Variants in RNASE4 observed in about 807,000 individuals in gnomAD.
RNASE4 encodes ribonuclease A family member 4, also known as ribonuclease 4.
For synonymous variants in RNASE4, 93 were observed against 71.4 expected (o/e 1.30, Z -1.52); for missense variants, 194 against 192.8 (o/e 1.01, Z -0.04).
chr14:20,695,854 T>C (rs1887076187), intron 1 of RNASE4, among the ~76,000 whole-genome samples: 1 of 152,232 alleles, frequency 6.6e-6, no homozygotes, highest in African/African-American at 2.4e-5. Flanking sequence ...AGCACAAGAA[T>C]CTCTCTTCCT....
At chr14:20,686,224 G>C (rs4619306) in intron 1 of RNASE4, among the ~76,000 whole-genome samples, 65,479 of 151,844 alleles carry the variant, frequency 0.43, 14,159 homozygotes, top group Middle Eastern at 0.52. Flanking sequence ...GGAGTGGTAC[G>C]ATGTTAGTAA....
chr14:20,696,855 C>A (rs1887109521), intron 1 of RNASE4, among the ~76,000 whole-genome samples: 1 of 152,110 alleles, frequency 6.6e-6, no homozygotes, highest in African/African-American at 2.4e-5. Flanking sequence ...ATTACATGCT[C>A]ATTTTGCTTA....
intron 1 of RNASE4, chr14:20,693,631 C>T (rs1188487589): frequency 6.2e-7 from 1 of 1,614,134 alleles, no homozygotes; most frequent in Non-Finnish European, 8.5e-7. Flanking sequence ...CCCACCGACC[C>T]TGGCTCAGGA....
chr14:20,699,766 T>C lies in RNASE4; in HGVS notation c.395T>C (p.Val132Ala), dbSNP rs1887231161. The change falls in exon 2 of 2, where the codon GTC (valine) becomes GCC (alanine). Residue 132 changes from valine to alanine, a missense_variant. By Grantham distance (64) the Val-to-Ala change is moderately conservative (BLOSUM62 0). Coordinates refer to ENST00000555835, the MANE Select transcript of RNASE4 (RefSeq NM_002937.5). ...YRAIASTRRV[V>A]IACEGNPQVP... ...GCCATAGCGAGCACTAGACGTGTTG[T>C]CATTGCCTGTGAGGGTAACCCACAG... 1 of 1,612,270 alleles carries C rather than the reference T, an allele frequency of 6.2e-7. No homozygotes were observed. Among genetic ancestry groups the C allele is most frequent in the Non-Finnish European group, 8.5e-7 (1 of 1,180,024 alleles).
rs752759936 is a variant in RNASE4, at chr14:20,693,594, G to A, written c.-17-5761G>A. Reference sequence around the variant, plus strand: ...TGATGGGCCTGGGCGTTTTGTTGTTGGTCTTCGTGCTGGGTCTGGGTCTGA... The same window carrying A: ...TGATGGGCCTGGGCGTTTTGTTGTTAGTCTTCGTGCTGGGTCTGGGTCTGA... On this transcript the variant is annotated intron_variant, in intron 1 of 1. Transcript: ENST00000555835. 2.5e-6 allele frequency: 4 copies of A among 1,613,448 alleles called. No individual in the cohort carries two copies. The African/African-American group carries it at 5.3e-5, about 22-fold the overall frequency.
At chr14:20,693,737 G>C in intron 1 of RNASE4, 1 of 1,614,202 alleles carries the variant, frequency 6.2e-7, no homozygotes, top group Non-Finnish European at 8.5e-7. Context: ...AGGAGACGGG[G>C]CCTGACCTCA....
In RNASE4 at chr14:20,688,958, T is replaced by C. The variant is rs971291353; in HGVS notation, c.-18+4200T>C. 17 of 672,780 alleles carry C rather than the reference T, an allele frequency of 2.5e-5. No individual in the cohort carries two copies. In the African/African-American group the frequency reaches 2.9e-4, roughly 12 times the overall value. 41.7% of individuals were successfully genotyped at this position (672,780 alleles called of 1,614,324 possible). ...AAACCATTTTCCTCCCTTTAAAGCC[T>C]CCAGGCTCAAGCTCATGAATTAAAA... is the stretch of plus-strand genomic sequence containing the variant. On this transcript the variant is annotated intron_variant, in intron 1 of 1. Coordinates refer to ENST00000555835, the MANE Select transcript of RNASE4 (RefSeq NM_002937.5).
intron 1 of RNASE4, chr14:20,693,338 G>A (rs1222796123): frequency 6.3e-6 from 4 of 636,742 alleles, no homozygotes; most frequent in African/African-American, 1.8e-5. Context: ...GGAGCTAGAG[G>A]TTGTGCTCAG....
intron 1 of RNASE4, chr14:20,693,645 C>T: frequency 2.5e-6 from 4 of 1,614,152 alleles, no homozygotes; most frequent in Non-Finnish European, 3.4e-6. Context: ...CTCAGGATAA[C>T]TCCAGGTACA....
At chr14:20,693,492 C>T in intron 1 of RNASE4, 1 of 1,600,212 alleles carries the variant, frequency 6.2e-7, no homozygotes, top group Non-Finnish European at 8.5e-7. Context: ...GTCCTTTTGG[C>T]CTAATTTGGT....
chr14:20,692,234 G>T (rs1304671451), intron 1 of RNASE4, among the ~76,000 whole-genome samples: 1 of 152,176 alleles, frequency 6.6e-6, no homozygotes, highest in Non-Finnish European at 1.5e-5. Flanking sequence ...CTCAGTATGT[G>T]TGATGACTAC....
Position 20,701,209 on chromosome 14 carries a change from C to T in RNASE4, c.*1394C>T, listed in dbSNP as rs897346571. 3 of 152,280 alleles carry T rather than the reference C, an allele frequency of 2.0e-5. No homozygotes were observed. The highest frequency in any genetic ancestry group is 4.4e-5 in the Non-Finnish European group (3 of 68,100). The allele number at this position is 152,280 out of a possible 1,614,324, so 9.4% of individuals were successfully genotyped here. A position where few individuals can be genotyped will look rare whatever the true frequency, so the allele number is the denominator to read the frequency against. The stretch of plus-strand genomic sequence containing the variant: ...CAGGTGATTAAAAAGCTTTATTGCT[C>T]ACACAAAGCCTGTTTGGTGGTCTCT... On this transcript the variant is annotated 3_prime_UTR_variant, in exon 2 of 2. Coordinates refer to ENST00000555835, the MANE Select transcript of RNASE4 (RefSeq NM_002937.5).
intron 1 of RNASE4, among the ~76,000 whole-genome samples, chr14:20,692,970 C>T (rs981550888): frequency 2.0e-5 from 3 of 151,926 alleles, no homozygotes; most frequent in Admixed American, 6.6e-5. Flanking sequence ...GCCTCAGCCT[C>T]CCGAGTAGCT....
At chr14:20,695,394 CAA>C (rs552960263) in intron 1 of RNASE4, among the ~76,000 whole-genome samples, 15 of 114,608 alleles carry the variant, frequency 1.3e-4, no homozygotes, top group Admixed American at 2.9e-4. Context: ...GACTCCATCT[CAA>C]AAAAAAAAAA....
Position 20,700,501 on chromosome 14 carries a change from TAAA to T in RNASE4, c.*690_*692del, listed in dbSNP as rs1430970923. Reference sequence around the variant, plus strand: ...GAATCACCCTAGTAAGTCAAAGTACTAAAAAATGTACTAGATCATTAAGACTTA... The same window carrying T: ...GAATCACCCTAGTAAGTCAAAGTACTAAATGTACTAGATCATTAAGACTTA... On this transcript the variant is annotated 3_prime_UTR_variant, in exon 2 of 2. Coordinates refer to ENST00000555835, the MANE Select transcript of RNASE4 (RefSeq NM_002937.5). 1 of 167,112 alleles carries T rather than the reference TAAA, an allele frequency of 6.0e-6. No homozygotes were observed. Among genetic ancestry groups the T allele is most frequent in the African/African-American group, 2.4e-5 (1 of 41,462 alleles). The allele number at this position is 167,112 out of a possible 1,614,324, so 10.4% of individuals were successfully genotyped here.
rs1335186121 is a variant in RNASE4, at chr14:20,699,701, G to A, written c.330G>A (p.Arg110=). 3.1e-6 allele frequency: 5 copies of A among 1,609,718 alleles called. No homozygotes were observed. The part of the protein sequence containing the change: ...HEGVVKVTDC[R]DTGSSRAPNC... The stretch of plus-strand genomic sequence containing the variant: ...GTGTAGTGAAGGTCACAGATTGCAG[G>A]GACACAGGAAGTTCCAGGGCACCCA... Residue 110 remains arginine, a synonymous_variant, in exon 2 of 2, where the codon AGG becomes AGA. Transcript: ENST00000555835.
Position 20,699,602 on chromosome 14 carries a change from T to TA in RNASE4, c.232dup (p.Ile78AsnfsTer6). 1 of 1,614,114 alleles carries TA rather than the reference T, an allele frequency of 6.2e-7. No individual in the cohort carries two copies. The stretch of plus-strand genomic sequence containing the variant: ...GCTTCAACACCTTCATCCATGAAGA[T>TA]ATCTGGAACATTCGTAGTATCTGCA... On this transcript the variant is annotated frameshift_variant, in exon 2 of 2. Coordinates refer to ENST00000555835, the MANE Select transcript of RNASE4 (RefSeq NM_002937.5). LOFTEE classifies it low-confidence loss of function (END_TRUNC).
chr14:20,694,488 C>T (rs1887006254), intron 1 of RNASE4, among the ~76,000 whole-genome samples: 1 of 152,028 alleles, frequency 6.6e-6, no homozygotes, highest in Admixed American at 6.6e-5. Flanking sequence ...TTAGTAGAGA[C>T]AGGGTTTCAC....
rs1887259705 is a variant in RNASE4 at position 20,700,567 on chromosome 14, T to C, written c.*752T>C. ...GATTGAAAGATTTTTTATGTTTTCC[T>C]TGTAATAAAGGACCTAAACCGAAGG... On this transcript the variant is annotated 3_prime_UTR_variant, in exon 2 of 2. Transcript: ENST00000555835. 6.0e-6 allele frequency: 1 copy of C among 167,118 alleles called. No individual in the cohort carries two copies. The highest frequency in any genetic ancestry group is 2.4e-5 in the African/African-American group (1 of 41,462). The allele number at this position is 167,118 out of a possible 1,614,324, so 10.4% of individuals were successfully genotyped here.
Sources: allele counts gnomAD v4.1 joint callset (sites outside exome capture counted in the v4.1 genomes callset), GRCh38; gene constraint gnomAD v4.1.1; transcripts MANE v1.5; gene names NCBI Gene and HGNC (gene_info 2026-07-23, HGNC 2026-07-21).